Variants in TAB3 observed in about 807,000 individuals in gnomAD.
TAB3 encodes TGF-beta-activated kinase 1 and MAP3K7-binding protein 3.
TAB3 carries 18 observed loss-of-function variants against 48.1 expected under a neutral mutation model. The observed-to-expected ratio is 0.37, with a 90% CI of 0.26 to 0.55. The LOEUF is 0.55. Among genes scored for constraint, TAB3 ranks in the 20% least tolerant of loss-of-function variants. The pLI is 0.78. For missense variants in TAB3, 414 were observed against 549.8 expected (o/e 0.75, Z 2.47); for synonymous variants, 185 against 190.2 (o/e 0.97, Z 0.22).
intron 9 of TAB3, among the ~76,000 whole-genome samples, chrX:30,841,074 CA>C (rs1938422249): frequency 8.9e-6 from 1 of 112,347 alleles, no homozygotes; most frequent in African/African-American, 3.2e-5. Flanking sequence ...GCCAAAGTGC[CA>C]AATCTGGCAC....
At chrX:30,846,412 CA>C (rs1163697981) in intron 8 of TAB3, 138 bp downstream of exon 8, 4 of 436,937 alleles carry the variant, frequency 9.2e-6, no homozygotes, top group East Asian at 3.9e-5. Context: ...GACCATGGGA[CA>C]GGGGGATCTC....
rs773909690 is a variant in TAB3 at position 30,846,084 on chromosome X, C to T, written c.1804+467G>A. 5.2e-6 allele frequency: 5 copies of T among 963,910 alleles called. No individual in the cohort carries two copies. In the South Asian group the frequency reaches 8.7e-5, roughly 17 times the overall value. The allele number at this position is 963,910 out of a possible 1,213,427, so 79.4% of individuals were successfully genotyped here. A position where few individuals can be genotyped will look rare whatever the true frequency, so the allele number is the denominator to read the frequency against. On this transcript the variant is annotated intron_variant, in intron 8 of 10. Coordinates refer to ENST00000288422, the MANE Select transcript of TAB3 (RefSeq NM_152787.5). Reference sequence around the variant, plus strand: ...CTGTAGTATACTTCTGTAAAAAAATCCAAAAAACTAAAACTATGATTATAG... The same window carrying T: ...CTGTAGTATACTTCTGTAAAAAAATTCAAAAAACTAAAACTATGATTATAG...
At chrX:30,879,128 A>C (rs775824330) in intron 1 of TAB3, among the ~76,000 whole-genome samples, 7 of 112,337 alleles carry the variant, frequency 6.2e-5, no homozygotes, top group Non-Finnish European at 1.3e-4. Flanking sequence ...AAACACTTGA[A>C]GAATACTATT....
intron 1 of TAB3, among the ~76,000 whole-genome samples, chrX:30,885,181 A>G (rs1940097015): frequency 8.9e-6 from 1 of 112,275 alleles, no homozygotes; most frequent in African/African-American, 3.2e-5. Flanking sequence ...ATAATTAACA[A>G]AAAGCAGGCA....
At chrX:30,864,987 C>T (rs974301841) in intron 4 of TAB3, among the ~76,000 whole-genome samples, 1 of 111,681 alleles carries the variant, frequency 9.0e-6, no homozygotes, top group Non-Finnish European at 1.9e-5. Flanking sequence ...TAGCTGATTC[C>T]AAACACTGCA....
intron 5 of TAB3, among the ~76,000 whole-genome samples, chrX:30,858,286 G>C (rs1939137478): frequency 8.9e-6 from 1 of 111,880 alleles, no homozygotes; most frequent in Non-Finnish European, 1.9e-5. Flanking sequence ...TTGCTAGGAA[G>C]TGGTTTAAAC....
intron 6 of TAB3, among the ~76,000 whole-genome samples, 170 bp from the exon 7 acceptor site, chrX:30,853,108 C>T: frequency 8.9e-6 from 1 of 112,206 alleles, no homozygotes; most frequent in South Asian, 3.7e-4. Context: ...ATTTAGCCCT[C>T]TGAATGCAAC....
At position 30,829,945 on chromosome X, in the gene TAB3, C is replaced by A. The variant is rs1447577133; in HGVS notation, c.*1482G>T. 1 of 110,475 alleles carries A rather than the reference C, an allele frequency of 9.1e-6. No individual in the cohort carries two copies. Among genetic ancestry groups the A allele is most frequent in the Non-Finnish European group, 1.9e-5 (1 of 52,867 alleles). The allele number at this position is 110,475 out of a possible 1,213,427, so 9.1% of individuals were successfully genotyped here. On this transcript the variant is annotated 3_prime_UTR_variant, in exon 11 of 11. Transcript: ENST00000288422. ...AAATCCTTTAGGATGGGAGAACCTA[C>A]TAACTTTATTGCTGTTTATACTCAC...
intron 8 of TAB3, chrX:30,846,167 A>G: frequency 3.0e-6 from 2 of 664,737 alleles, no homozygotes; most frequent in Non-Finnish European, 3.8e-6. Context: ...TTATTTTAAA[A>G]CTGAGAAATC....
intron 10 of TAB3, among the ~76,000 whole-genome samples, chrX:30,833,221 G>A (rs1037730536): frequency 8.3e-5 from 9 of 107,859 alleles, no homozygotes; most frequent in African/African-American, 1.3e-4. Flanking sequence ...CGCCTGCCTC[G>A]GCCTCCCAAA....
At chrX:30,864,800 T>TG (rs1939354157) in intron 4 of TAB3, among the ~76,000 whole-genome samples, 3 of 98,520 alleles carry the variant, frequency 3.0e-5, no homozygotes, top group African/African-American at 1.1e-4. Context: ...TGTGTGTGTG[T>TG]GTGTTTTTTT....
At chrX:30,882,509 G>T (rs1317057955) in intron 1 of TAB3, among the ~76,000 whole-genome samples, 1 of 111,898 alleles carries the variant, frequency 8.9e-6, no homozygotes, top group Non-Finnish European at 1.9e-5. Flanking sequence ...TCTTTCCACA[G>T]TAATAGGACT....
intron 1 of TAB3, among the ~76,000 whole-genome samples, chrX:30,875,598 A>G (rs769718555): frequency 9.0e-6 from 1 of 111,675 alleles, no homozygotes; most frequent in South Asian, 3.7e-4. Context: ...AGAGGAAAAA[A>G]TTTTAGTTGA....
At chrX:30,873,380 C>T (rs1383601045) in intron 1 of TAB3, among the ~76,000 whole-genome samples, 1 of 109,356 alleles carries the variant, frequency 9.1e-6, no homozygotes, top group Non-Finnish European at 1.9e-5. Flanking sequence ...AAAAAATTAG[C>T]CGGGCGCAGT....
chrX:30,845,885 T>C (rs1487994669), intron 8 of TAB3: 84 of 752,521 alleles, frequency 1.1e-4, no homozygotes, highest in Non-Finnish European at 1.4e-4. Flanking sequence ...GAATCAACTC[T>C]TGGTAAGCAG....
chrX:30,828,118 C>T lies in TAB3; in HGVS notation c.*3309G>A, dbSNP rs1327908039. On this transcript the variant is annotated 3_prime_UTR_variant, in exon 11 of 11. Coordinates refer to ENST00000288422, the MANE Select transcript of TAB3 (RefSeq NM_152787.5). Reference sequence around the variant, plus strand: ...AGGGACATCTTCACATTCCAGGATACATCATTGATATTTTTAGAGGACAAT... The same window carrying T: ...AGGGACATCTTCACATTCCAGGATATATCATTGATATTTTTAGAGGACAAT... The T allele has an allele frequency of 2.7e-5, 3 of 112,161 alleles. No homozygotes were observed. The highest frequency in any genetic ancestry group is 9.7e-5 in the African/African-American group (3 of 30,835). 9.2% of individuals were successfully genotyped at this position (112,161 alleles called of 1,213,427 possible). A position where few individuals can be genotyped will look rare whatever the true frequency, so the allele number is the denominator to read the frequency against.
At chrX:30,836,288 T>C (rs1938210375) in intron 9 of TAB3, 1 of 111,836 alleles carries the variant, frequency 8.9e-6, no homozygotes, top group African/African-American at 3.3e-5. Flanking sequence ...ATTTCTAAAA[T>C]AGAAATTCAT....
chrX:30,851,912 C>T (rs1283137656), intron 7 of TAB3, among the ~76,000 whole-genome samples: 2 of 112,139 alleles, frequency 1.8e-5, no homozygotes, highest in African/African-American at 6.5e-5. Flanking sequence ...TGAATCTGCA[C>T]AGAAACGAGT....
Position 30,868,421 on chromosome X carries a change from TTA to T in TAB3, c.-279-874_-279-873del, listed in dbSNP as rs202194789. ...TATATATAGCTTATATATATATAGC[TTA>T]TATATATATATAGCTTATATATATA... On this transcript the variant is annotated intron_variant, in intron 2 of 10. Coordinates refer to ENST00000288422, the MANE Select transcript of TAB3 (RefSeq NM_152787.5). Among the ~76,000 whole-genome samples, 61 of 39,937 alleles carry T rather than the reference TTA, an allele frequency of 1.5e-3. 13 individuals carry two copies. The highest frequency in any genetic ancestry group is 5.3e-3 in the African/African-American group (55 of 10,423). 34.7% of individuals were successfully genotyped at this position (39,937 alleles called of 115,157 possible). A position where few individuals can be genotyped will look rare whatever the true frequency, so the allele number is the denominator to read the frequency against.
Sources: gnomAD v4.1 joint callset for allele counts (sites outside exome capture counted in the v4.1 genomes callset) on GRCh38, gnomAD v4.1.1 for gene constraint, MANE v1.5 for transcripts, NCBI Gene and HGNC (gene_info 2026-07-23, HGNC 2026-07-21) for gene names.